Variants in CKAP5 observed in about 807,000 individuals in gnomAD.
CKAP5 encodes the protein cytoskeleton-associated protein 5.
A neutral mutation model predicts 232.8 loss-of-function variants in CKAP5; 27 were observed. The ratio of observed to expected loss-of-function variants is 0.12; its 90% CI spans 0.09 to 0.16. The LOEUF is 0.16. Ranked by LOEUF, CKAP5 falls within the 10% of genes least tolerant of loss-of-function variation. The pLI is 1.00. For missense variants in CKAP5, 1,838 were observed against 2,424.7 expected, an observed-to-expected ratio of 0.76 and a Z score of 5.08; for synonymous variants, 785 against 841.1, an observed-to-expected ratio of 0.93 and a Z score of 1.16.
At chr11:46,821,299 C>A in intron 1 of CKAP5, 31 bp from the exon 2 acceptor site, 1 of 1,045,312 alleles carries the variant, frequency 9.6e-7, no homozygotes, top group Non-Finnish European at 1.5e-6. Flanking sequence ...ACCTGCTTAG[C>A]AACCAGGCAG....
At chr11:46,780,101 G>A in intron 20 of CKAP5, 93 bp downstream of exon 20, 2 of 1,360,300 alleles carry the variant, frequency 1.5e-6, no homozygotes, top group Non-Finnish European at 2.1e-6. Context: ...CTGAGTAGCT[G>A]GGACTACAGG....
In CKAP5 at chr11:46,776,390, G is replaced by T; in HGVS notation, c.2863-7C>A. On this transcript the variant is annotated splice_region_variant and splice_polypyrimidine_tract_variant and intron_variant, in intron 23 of 43. Coordinates refer to ENST00000529230, the MANE Select transcript of CKAP5 (RefSeq NM_001008938.4). Reference sequence around the variant, plus strand: ...CAGCAGCTCGAACATTGTTCTAAATGGAGAAGATAATCAGCAAAAATAATA... The same window carrying T: ...CAGCAGCTCGAACATTGTTCTAAATTGAGAAGATAATCAGCAAAAATAATA... 6.2e-7 allele frequency: 1 copy of T among 1,603,298 alleles called. No homozygotes were observed. The highest frequency in any genetic ancestry group is 8.5e-7 in the Non-Finnish European group (1 of 1,174,916).
intron 15 of CKAP5, 55 bp downstream of exon 15, chr11:46,790,021 G>A (rs978476366): frequency 2.1e-5 from 24 of 1,154,516 alleles, no homozygotes; most frequent in South Asian, 6.7e-5. Flanking sequence ...CATCAATTTC[G>A]CTGCTTCCAT....
At chr11:46,752,223 C>CAT (rs1565716401) in intron 38 of CKAP5, among the ~76,000 whole-genome samples, 4 of 133,312 alleles carry the variant, frequency 3.0e-5, no homozygotes, top group South Asian at 2.4e-4. Context: ...CACACACACA[C>CAT]ACACACACAC....
chr11:46,762,821 C>A, intron 30 of CKAP5, 59 bp from the exon 31 acceptor site: 1 of 1,545,374 alleles, frequency 6.5e-7, no homozygotes, highest in Non-Finnish European at 8.9e-7. Context: ...AATGATTCTC[C>A]CATGCATTAC....
chr11:46,765,073 C>A (rs1266604529), intron 28 of CKAP5, 58 bp downstream of exon 28: 3 of 1,526,292 alleles, frequency 2.0e-6, no homozygotes, highest in Non-Finnish European at 2.7e-6. Flanking sequence ...GACAGCAAAA[C>A]TATTCTTGAA....
At chr11:46,745,640 A>G (rs534575407) in intron 42 of CKAP5, among the ~76,000 whole-genome samples, 1 of 152,196 alleles carries the variant, frequency 6.6e-6, no homozygotes, top group Non-Finnish European at 1.5e-5. Context: ...CTTTTTCATT[A>G]AAGACCAGCC....
At chr11:46,789,253 T>C (rs139545661) in intron 15 of CKAP5, among the ~76,000 whole-genome samples, 2 of 152,230 alleles carry the variant, frequency 1.3e-5, no homozygotes, top group South Asian at 4.1e-4. Context: ...CTGCCATAAG[T>C]GACAGTGCTC....
chr11:46,777,053 A>G (rs1018031612), intron 23 of CKAP5, among the ~76,000 whole-genome samples: 5 of 152,212 alleles, frequency 3.3e-5, no homozygotes, highest in African/African-American at 7.2e-5. Context: ...CCAAATTCAC[A>G]TATTTATTCA....
chr11:46,744,463 T>C lies in CKAP5; in HGVS notation c.5819A>G (p.Lys1940Arg). ...CAGACCACATCGCTGTCGGAGGATC[T>C]TTAGCCTTTCCAAGTAGACAGATGG... is the stretch of plus-strand genomic sequence containing the variant. The part of the protein sequence containing the change: ...VGPSVYLERL[K>R]ILRQRCGLDN... Residue 1940 changes from lysine (K) to arginine (R), a missense_variant, in exon 43 of 44, where the codon AAG becomes AGG. Physicochemically the swap from Lys to Arg is conservative, Grantham distance 26. Transcript: ENST00000529230. 1 of 1,614,126 alleles carries C rather than the reference T, an allele frequency of 6.2e-7. No homozygotes were observed. Among genetic ancestry groups the C allele is most frequent in the Non-Finnish European group, 8.5e-7 (1 of 1,180,030 alleles).
At chr11:46,786,811 G>T (rs763702537) in intron 16 of CKAP5, among the ~76,000 whole-genome samples, 6 of 152,058 alleles carry the variant, frequency 3.9e-5, no homozygotes, top group Non-Finnish European at 8.8e-5. Flanking sequence ...ATGACCCAGC[G>T]CGCACACACA....
Position 46,783,315 on chromosome 11 carries a change from C to G in CKAP5, c.2208G>C (p.Leu736=), listed in dbSNP as rs758271229. The change falls in exon 18 of 44, where the codon CTG becomes CTC. Residue 736 remains leucine, a synonymous_variant. Transcript: ENST00000529230. The part of the protein sequence containing the change: ...QKNPKNQSET[L]NWLSNAIKEF... ...CTTTTATGGCATTTGATAGCCAATTCAGAGTTTCTGACTGATTTTTGGGAT... is the reference window on the plus strand; with the variant it reads ...CTTTTATGGCATTTGATAGCCAATTGAGAGTTTCTGACTGATTTTTGGGAT... 62 of 1,612,570 alleles carry G rather than the reference C, an allele frequency of 3.8e-5. No individual in the cohort carries two copies. The East Asian group carries it at 1.4e-3, about 36-fold the overall frequency.
At chr11:46,838,225 T>C (rs141436549) in intron 1 of CKAP5, among the ~76,000 whole-genome samples, 333 of 152,340 alleles carry the variant, frequency 2.2e-3, no homozygotes, top group Non-Finnish European at 3.0e-3. Context: ...CAAAACAGAT[T>C]AAAATTTTTT....
chr11:46,758,027 C>A (rs2065124052), intron 35 of CKAP5, among the ~76,000 whole-genome samples: 1 of 151,812 alleles, frequency 6.6e-6, no homozygotes, highest in Non-Finnish European at 1.5e-5. Flanking sequence ...AGCTGGGACT[C>A]CAGGCAGGAG....
chr11:46,811,288 A>G lies in CKAP5; in HGVS notation c.459-110T>C, dbSNP rs552461327. On this transcript the variant is annotated intron_variant, in intron 4 of 43. Coordinates refer to ENST00000529230, the MANE Select transcript of CKAP5 (RefSeq NM_001008938.4). ...CATATCTACATATTAGAAGAATTATATAAGTTCAGTTTTTTTTAAGGCAAC... is the reference window on the plus strand; with the variant it reads ...CATATCTACATATTAGAAGAATTATGTAAGTTCAGTTTTTTTTAAGGCAAC... 9.2e-6 allele frequency: 8 copies of G among 873,020 alleles called. No individual in the cohort carries two copies. The South Asian group carries it at 1.5e-4, about 16-fold the overall frequency. 54.1% of individuals were successfully genotyped at this position (873,020 alleles called of 1,614,324 possible). A position where few individuals can be genotyped will look rare whatever the true frequency, so the allele number is the denominator to read the frequency against.
intron 1 of CKAP5, among the ~76,000 whole-genome samples, chr11:46,841,997 CAAA>C (rs3031699): frequency 1.0e-3 from 109 of 109,366 alleles, no homozygotes; most frequent in Non-Finnish European, 1.3e-3. Flanking sequence ...GACTTTGGTT[CAAA>C]AAAAAAAAAA....
chr11:46,844,586 T>C (rs1029984198), intron 1 of CKAP5, among the ~76,000 whole-genome samples: 2 of 152,252 alleles, frequency 1.3e-5, no homozygotes, highest in Non-Finnish European at 2.9e-5. Context: ...AAAGGCATGT[T>C]AATTGTTACG....
At chr11:46,749,703 C>T (rs1477070577) in intron 42 of CKAP5, among the ~76,000 whole-genome samples, 2 of 151,998 alleles carry the variant, frequency 1.3e-5, no homozygotes, top group Admixed American at 6.6e-5. Flanking sequence ...AGCATCATCT[C>T]AGCACTTTGG....
Position 46,784,197 on chromosome 11 carries a change from T to C in CKAP5, c.2154+291A>G, listed in dbSNP as rs182710581. On this transcript the variant is annotated intron_variant, in intron 17 of 43. Coordinates refer to ENST00000529230, the MANE Select transcript of CKAP5 (RefSeq NM_001008938.4). ...AAGCCTGGCCAACGTGGCGAAATCCTGTCTCTATTAAAATTCAAAAATTAG... is the reference window on the plus strand; with the variant it reads ...AAGCCTGGCCAACGTGGCGAAATCCCGTCTCTATTAAAATTCAAAAATTAG... 2.7e-3 allele frequency among the ~76,000 whole-genome samples: 417 copies of C among 151,950 alleles called. 2 individuals carry two copies. Among genetic ancestry groups the C allele is most frequent in the African/African-American group, 9.5e-3 (395 of 41,488 alleles).
Sources: allele counts gnomAD v4.1 joint callset (sites outside exome capture counted in the v4.1 genomes callset), GRCh38; gene constraint gnomAD v4.1.1; transcripts MANE v1.5; gene names NCBI Gene and HGNC (gene_info 2026-07-23, HGNC 2026-07-21).